MCC: variants seen among roughly 807,000 people sequenced by gnomAD.
The protein encoded by MCC is MCC regulator of Wnt signaling pathway.
Under a neutral mutation model 116.2 loss-of-function variants are expected in MCC, and 90 were observed. That is an observed-to-expected ratio of 0.77 (90% confidence interval 0.65 to 0.92). The LOEUF is 0.92. Among genes scored for constraint, MCC ranks in the 40% least tolerant of loss-of-function variants. The pLI is 0.00. For synonymous variants in MCC, 578 were observed against 510.5 expected, an observed-to-expected ratio of 1.13 and a Z score of -1.78; for missense variants, 1,516 against 1,312.2, an observed-to-expected ratio of 1.16 and a Z score of -2.40.
chr5:113,451,500 C>T (rs1281728063), intron 1 of MCC, among the ~76,000 whole-genome samples: 3 of 152,068 alleles, frequency 2.0e-5, no homozygotes, highest in Non-Finnish European at 4.4e-5. Context: ...TTTGGGAGGC[C>T]GAGGCGGGCG....
At chr5:113,213,628 C>T (rs561738643) in intron 3 of MCC, among the ~76,000 whole-genome samples, 21 of 152,272 alleles carry the variant, frequency 1.4e-4, no homozygotes, top group African/African-American at 2.4e-4. Context: ...TCAAAGCACG[C>T]GGGTAAGAGA....
chr5:113,158,710 C>A (rs188474084), intron 3 of MCC, among the ~76,000 whole-genome samples: 1 of 152,192 alleles, frequency 6.6e-6, no homozygotes, highest in African/African-American at 2.4e-5. Flanking sequence ...GGTAGAAAAT[C>A]AGCCGAAGTG....
At chr5:113,472,588 C>T (rs1054424164) in intron 1 of MCC, among the ~76,000 whole-genome samples, 1 of 152,126 alleles carries the variant, frequency 6.6e-6, no homozygotes, top group Non-Finnish European at 1.5e-5. Flanking sequence ...TTGTTCTGCT[C>T]TGACAGTTAT....
At chr5:113,331,033 C>T (rs114763510) in intron 3 of MCC, among the ~76,000 whole-genome samples, 547 of 152,318 alleles carry the variant, frequency 3.6e-3, no homozygotes, top group Non-Finnish European at 5.4e-3. Flanking sequence ...GTGTGGCATA[C>T]GCACTAGCTA....
Position 113,068,098 on chromosome 5 carries a change from C to A in MCC, c.2011G>T (p.Gly671Cys). The part of the protein sequence containing the change: ...SLILGQFRAA[G>C]VGSSPGDQSG... ...CACTTACCAGGGGAGGACCCCACGC[C>A]CGCCGCTCGGAACTGCCCCAGGATG... Residue 671 changes from glycine to cysteine, a missense_variant, in exon 13 of 19, where the codon GGC (glycine) becomes TGC (cysteine). Coordinates refer to ENST00000408903, the MANE Select transcript of MCC (RefSeq NM_001085377.2). The A allele has an allele frequency of 6.2e-7, 1 of 1,614,178 alleles. No individual in the cohort carries two copies. The highest frequency in any genetic ancestry group is 8.5e-7 in the Non-Finnish European group (1 of 1,180,032).
chr5:113,371,748 C>T (rs544845808), intron 2 of MCC, among the ~76,000 whole-genome samples: 1 of 152,294 alleles, frequency 6.6e-6, no homozygotes, highest in African/African-American at 2.4e-5. Flanking sequence ...TTTACTAATG[C>T]CCTCTCATTT....
At chr5:113,126,698 T>C (rs192869754) in intron 5 of MCC, among the ~76,000 whole-genome samples, 25 of 152,346 alleles carry the variant, frequency 1.6e-4, no homozygotes, top group Non-Finnish European at 2.9e-5. Flanking sequence ...CGCAACTGCT[T>C]TCACACAACC....
At chr5:113,471,541 C>T (rs904173854) in intron 1 of MCC, among the ~76,000 whole-genome samples, 3 of 152,074 alleles carry the variant, frequency 2.0e-5, no homozygotes, top group African/African-American at 7.2e-5. Flanking sequence ...AGTTTTGTCT[C>T]AGAGGAGTAC....
At chr5:113,467,056 T>C (rs1426477512) in intron 1 of MCC, among the ~76,000 whole-genome samples, 1 of 150,360 alleles carries the variant, frequency 6.7e-6, no homozygotes, top group Admixed American at 6.6e-5. Context: ...GTAAATTTGT[T>C]TGAGTTCATT....
chr5:113,340,093 C>G (rs1166015603), intron 3 of MCC, among the ~76,000 whole-genome samples: 1 of 152,226 alleles, frequency 6.6e-6, no homozygotes, highest in Non-Finnish European at 1.5e-5. Context: ...ACAGAAAATA[C>G]TCTTAAAGTA....
rs543523860 is a variant in MCC at position 113,141,980 on chromosome 5, TCTTCTCTG to T, written c.884+1230_884+1237del. ...ATAATCATTCTTTTGGGCTAAAAAT[TCTTCTCTG>T]CTCATGTACTTCTAACCTACAATCA... On this transcript the variant is annotated intron_variant, in intron 5 of 18. Transcript: ENST00000408903. Among the ~76,000 whole-genome samples the T allele has an allele frequency of 4.6e-3, 704 of 152,342 alleles. 8 individuals carry two copies. The highest frequency in any genetic ancestry group is 0.016 in the African/African-American group (676 of 41,576).
chr5:113,262,649 A>G (rs555925101), intron 3 of MCC, among the ~76,000 whole-genome samples: 3 of 152,328 alleles, frequency 2.0e-5, no homozygotes, highest in Admixed American at 2.0e-4. Context: ...ACTAGTCCCC[A>G]GTTAGCTTCT....
At chr5:113,108,331 T>TTAA (rs1561357382) in intron 6 of MCC, among the ~76,000 whole-genome samples, 4 of 42,724 alleles carry the variant, frequency 9.4e-5, no homozygotes, top group African/African-American at 2.3e-4. Context: ...CACTCTATCT[T>TTAA]AAAAAAAAAA....
intron 3 of MCC, among the ~76,000 whole-genome samples, chr5:113,259,671 T>C (rs1323755750): frequency 6.6e-6 from 1 of 152,066 alleles, no homozygotes; most frequent in Non-Finnish European, 1.5e-5. Context: ...CCCTTTAGGG[T>C]GATTCGAACT....
Position 113,488,315 on chromosome 5 carries a change from T to C in MCC, c.100A>G (p.Thr34Ala), listed in dbSNP as rs1772606573. The C allele has an allele frequency of 1.3e-6, 2 of 1,571,782 alleles. No individual in the cohort carries two copies. The highest frequency in any genetic ancestry group is 5.2e-5 in the East Asian group (2 of 38,476). Residue 34 changes from threonine to alanine, a missense_variant, in exon 1 of 19, where the codon ACC (threonine) becomes GCC (alanine). Transcript: ENST00000408903. ...SSSSSSDTSSTGEEERMRRLF... is the reference protein window; with the variant it reads ...SSSSSSDTSSAGEEERMRRLF... ...CGCCGCATCCTCTCCTCCTCGCCGG[T>C]GCTGGACGTGTCGCTGCTGCTGCTG...
chr5:113,360,345 C>T (rs1009150081), intron 2 of MCC, among the ~76,000 whole-genome samples: 7 of 152,204 alleles, frequency 4.6e-5, no homozygotes, highest in Non-Finnish European at 2.9e-5. Flanking sequence ...ATTCCAGAGA[C>T]AAACTCTATA....
chr5:113,108,652 CAAAAAAAAA>C (rs58617659), intron 6 of MCC, among the ~76,000 whole-genome samples: 2 of 115,328 alleles, frequency 1.7e-5, no homozygotes, highest in African/African-American at 3.3e-5. Flanking sequence ...GACTCCATTT[CAAAAAAAAA>C]AAAAAAAAAG....
intron 5 of MCC, among the ~76,000 whole-genome samples, chr5:113,129,097 C>T (rs922534597): frequency 2.6e-5 from 4 of 152,138 alleles, no homozygotes; most frequent in African/African-American, 9.7e-5. Context: ...GTAGCAGACC[C>T]AGTAAGCAGA....
intron 3 of MCC, among the ~76,000 whole-genome samples, chr5:113,163,900 T>C (rs1760636186): frequency 6.6e-6 from 1 of 152,172 alleles, no homozygotes; most frequent in South Asian, 2.1e-4. Flanking sequence ...TGTACCAAAA[T>C]GTTAACAACA....
Sources: allele counts gnomAD v4.1 joint callset (sites outside exome capture counted in the v4.1 genomes callset), GRCh38; gene constraint gnomAD v4.1.1; transcripts MANE v1.5; gene names NCBI Gene and HGNC (gene_info 2026-07-23, HGNC 2026-07-21).